The following TNRC6A variants were observed in gnomAD, a reference collection of about 807,000 sequenced individuals.
TNRC6A encodes the protein trinucleotide repeat-containing gene 6A protein.
TNRC6A carries 44 observed loss-of-function variants against 221.2 expected under a neutral mutation model. The observed-to-expected ratio is 0.20, with a 90% CI of 0.16 to 0.26. TNRC6A has a LOEUF of 0.26. Among genes scored for constraint, TNRC6A ranks in the 10% least tolerant of loss-of-function variants. The probability of loss-of-function intolerance (pLI) is 1.00; values close to 1 mark genes in which losing one functional copy is unlikely to be tolerated. For missense variants in TNRC6A, 2,199 were observed against 2,404.4 expected, an observed-to-expected ratio of 0.91 and a Z score of 1.79; for synonymous variants, 847 against 838.5, an observed-to-expected ratio of 1.01 and a Z score of -0.18.
chr16:24,759,471 T>C (rs894276047), intron 4 of TNRC6A, among the ~76,000 whole-genome samples: 1 of 152,026 alleles, frequency 6.6e-6, no homozygotes, highest in Non-Finnish European at 1.5e-5. Context: ...ATTTGAAAGG[T>C]AGAGCTAAGA....
chr16:24,617,033 T>C (rs73562552), intron 1 of TNRC6A, among the ~76,000 whole-genome samples: 4,616 of 152,332 alleles, frequency 0.03, 242 homozygotes, highest in African/African-American at 0.11. Flanking sequence ...ATCTTTTGTG[T>C]GTGCGCTTGT....
intron 4 of TNRC6A, among the ~76,000 whole-genome samples, chr16:24,770,938 C>T (rs1258237256): frequency 1.3e-5 from 2 of 152,152 alleles, no homozygotes; most frequent in Admixed American, 1.3e-4. Context: ...AACAGGAAGA[C>T]TTTATTTGCC....
intron 2 of TNRC6A, among the ~76,000 whole-genome samples, chr16:24,656,890 G>T (rs1399411519): frequency 1.3e-5 from 2 of 152,034 alleles, no homozygotes. Flanking sequence ...GTATGAAAAA[G>T]AACAAAATGA....
chr16:24,796,692 C>T (rs1406048517), intron 9 of TNRC6A, among the ~76,000 whole-genome samples: 2 of 152,140 alleles, frequency 1.3e-5, no homozygotes, highest in African/African-American at 4.8e-5. Context: ...AGTTGTGAAG[C>T]TGTGTTCTGT....
chr16:24,612,438 C>G (rs1900097814), intron 1 of TNRC6A, among the ~76,000 whole-genome samples: 1 of 151,114 alleles, frequency 6.6e-6, no homozygotes, highest in Non-Finnish European at 1.5e-5. Context: ...AGTTAACCAC[C>G]AGACAGCTTC....
chr16:24,815,393 A>G (rs1488085124), intron 19 of TNRC6A, 88 bp downstream of exon 19: 8 of 1,473,202 alleles, frequency 5.4e-6, no homozygotes, highest in Non-Finnish European at 7.4e-6. Context: ...TGTAGCCCAG[A>G]TCGGCGTGCT....
chr16:24,807,124 G>A (rs2058450027), intron 17 of TNRC6A, among the ~76,000 whole-genome samples: 1 of 151,592 alleles, frequency 6.6e-6, no homozygotes, highest in African/African-American at 2.4e-5. Context: ...TCGCACCTCA[G>A]CTTCCCGAGT....
intron 2 of TNRC6A, among the ~76,000 whole-genome samples, chr16:24,738,028 T>C (rs552099779): frequency 6.6e-6 from 1 of 152,370 alleles, no homozygotes; most frequent in South Asian, 2.1e-4. Flanking sequence ...CTTACAAAGA[T>C]AGGGTCATAA....
chr16:24,720,341 G>A (rs1396024348), intron 2 of TNRC6A, among the ~76,000 whole-genome samples: 1 of 151,964 alleles, frequency 6.6e-6, no homozygotes, highest in Non-Finnish European at 1.5e-5. Context: ...ATTGGAGGCT[G>A]CAGTGAGCTG....
Position 24,815,202 on chromosome 16 carries a change from T to C in TNRC6A, c.4728T>C (p.Phe1576=), listed in dbSNP as rs772536099. 6.2e-7 allele frequency: 1 copy of C among 1,614,248 alleles called. No homozygotes were observed. The highest frequency in any genetic ancestry group is 1.1e-5 in the South Asian group (1 of 91,090). ...AGTCTCCATTTGTTCCCTATGACTTTATGAACAGCAGTACTTCACCAGCCA... is the reference window on the plus strand; with the variant it reads ...AGTCTCCATTTGTTCCCTATGACTTCATGAACAGCAGTACTTCACCAGCCA... The part of the protein sequence containing the change: ...LEESPFVPYD[F]MNSSTSPASP... Residue 1576 remains phenylalanine, a synonymous_variant, in exon 19 of 25, where the codon TTT becomes TTC. Coordinates refer to ENST00000395799, the MANE Select transcript of TNRC6A (RefSeq NM_014494.4).
At position 24,806,248 on chromosome 16, in the gene TNRC6A, G is replaced by A. The variant is rs199908180; in HGVS notation, c.4294G>A (p.Val1432Met). The A allele has an allele frequency of 3.1e-4, 499 of 1,614,080 alleles. No homozygotes were observed. The highest frequency in any genetic ancestry group is 3.7e-4 in the Non-Finnish European group (439 of 1,180,058). Residue 1432 changes from valine to methionine, a missense_variant, in exon 16 of 25, where the codon GTG becomes ATG. Transcript: ENST00000395799. Reference sequence around the variant, plus strand: ...GCAAAGGGCGCAGAGTCAGAGAAGCGTGCCTTCTGGGAACCGGCCGCAGCA... The same window carrying A: ...GCAAAGGGCGCAGAGTCAGAGAAGCATGCCTTCTGGGAACCGGCCGCAGCA... ...QQQRAQSQRSVPSGNRPQQDQ... is the reference protein window; with the variant it reads ...QQQRAQSQRSMPSGNRPQQDQ...
At chr16:24,719,466 C>A (rs2056372573) in intron 2 of TNRC6A, among the ~76,000 whole-genome samples, 1 of 151,984 alleles carries the variant, frequency 6.6e-6, no homozygotes, top group Non-Finnish European at 1.5e-5. Context: ...TCAAGACCAG[C>A]CTGGCCAACA....
At chr16:24,781,615 G>C (rs899780128) in intron 5 of TNRC6A, among the ~76,000 whole-genome samples, 4 of 152,106 alleles carry the variant, frequency 2.6e-5, no homozygotes, top group African/African-American at 9.7e-5. Context: ...GAAGTCTTCA[G>C]CTGATGTTGG....
intron 2 of TNRC6A, among the ~76,000 whole-genome samples, chr16:24,708,222 T>C (rs2056135182): frequency 6.7e-6 from 1 of 149,876 alleles, no homozygotes; most frequent in Non-Finnish European, 1.5e-5. Flanking sequence ...GGGGTACAGG[T>C]GGTTTTTGAT....
Position 24,809,456 on chromosome 16 carries a change from T to A in TNRC6A, c.4647T>A (p.Ser1549=). Residue 1549 remains serine, a synonymous_variant, in exon 18 of 25, where the codon TCT becomes TCA. Transcript: ENST00000395799. ...TTVDSISVNT[S]LDQNSSKHGA... ...TGGACAGCATTTCTGTGAACACATC[T>A]TTGGATCAAAACTCCAGCAAACATG... 6.3e-7 allele frequency: 1 copy of A among 1,585,250 alleles called. No individual in the cohort carries two copies. The highest frequency in any genetic ancestry group is 8.6e-7 in the Non-Finnish European group (1 of 1,164,134).
intron 21 of TNRC6A, among the ~76,000 whole-genome samples, chr16:24,819,401 G>GTCAGGAAC (rs760233323): frequency 4.4e-4 from 67 of 152,038 alleles, no homozygotes; most frequent in Non-Finnish European, 6.2e-4. Flanking sequence ...GGCAGTGTGT[G>GTCAGGAAC]TCAGGAACTG....
intron 5 of TNRC6A, among the ~76,000 whole-genome samples, chr16:24,781,400 T>TC (rs1391781556): frequency 6.6e-6 from 1 of 151,968 alleles, no homozygotes; most frequent in African/African-American, 2.4e-5. Flanking sequence ...AATTTCTCCC[T>TC]CCCCCCTTTC....
intron 5 of TNRC6A, among the ~76,000 whole-genome samples, chr16:24,782,944 A>G (rs1352848851): frequency 6.6e-6 from 1 of 151,742 alleles, no homozygotes; most frequent in Non-Finnish European, 1.5e-5. Flanking sequence ...TCTCTCTCAT[A>G]CTCCTTGGAA....
chr16:24,624,274 T>A (rs1900843108), intron 1 of TNRC6A, among the ~76,000 whole-genome samples: 1 of 152,102 alleles, frequency 6.6e-6, no homozygotes, highest in Non-Finnish European at 1.5e-5. Flanking sequence ...TTTGCTGACA[T>A]CCCATTGGGT....
Sources: gnomAD v4.1 joint callset for allele counts (sites outside exome capture counted in the v4.1 genomes callset) on GRCh38, gnomAD v4.1.1 for gene constraint, MANE v1.5 for transcripts, NCBI Gene and HGNC (gene_info 2026-07-23, HGNC 2026-07-21) for gene names.